The following ADCY7 variants were observed in gnomAD, a reference collection of about 807,000 sequenced individuals.
The protein encoded by ADCY7 is adenylate cyclase 7.
In ADCY7, 72 loss-of-function variants were observed where a neutral mutation model predicts 120.6. The observed-to-expected ratio is 0.60, with a 90% confidence interval of 0.49 to 0.73. The LOEUF (loss-of-function observed/expected upper bound fraction) is 0.73, where lower values mean the gene tolerates loss of function less well. Among genes scored for constraint, ADCY7 ranks in the 30% least tolerant of loss-of-function variants. The probability of loss-of-function intolerance (pLI) is 0.00; values close to 1 mark genes in which losing one functional copy is unlikely to be tolerated. For missense variants in ADCY7, 1,227 were observed against 1,486.0 expected, an observed-to-expected ratio of 0.83 and a Z score of 2.87; for synonymous variants, 661 against 628.0, an observed-to-expected ratio of 1.05 and a Z score of -0.78.
intron 1 of ADCY7, among the ~76,000 whole-genome samples, chr16:50,249,767 G>A (rs1273097991): frequency 6.6e-6 from 1 of 152,226 alleles, no homozygotes; most frequent in African/African-American, 2.4e-5. Context: ...TGGGGGAGGT[G>A]GTGGGCATCT....
chr16:50,288,972 T>G (rs999871091), intron 2 of ADCY7, among the ~76,000 whole-genome samples: 1 of 152,128 alleles, frequency 6.6e-6, no homozygotes, highest in African/African-American at 2.4e-5. Flanking sequence ...CTCTCTAACT[T>G]TAATTCAGTT....
chr16:50,313,416 CA>C lies in ADCY7; in HGVS notation c.2751+383del, dbSNP rs894935040. ...TGGGCAACAGTACACAACTCTGTCT[CA>C]AACAACAACAACAACAACAAAAAAA... On this transcript the variant is annotated intron_variant, in intron 22 of 25. Transcript: ENST00000673801. The C allele has an allele frequency of 1.8e-5, 3 of 171,160 alleles. No homozygotes were observed. In the Admixed American group the frequency reaches 1.8e-4, roughly 10 times the overall value. 10.6% of individuals were successfully genotyped at this position (171,160 alleles called of 1,614,324 possible). A position where few individuals can be genotyped will look rare whatever the true frequency, so the allele number is the denominator to read the frequency against.
At chr16:50,283,140 G>C (rs2034379639) in intron 1 of ADCY7, among the ~76,000 whole-genome samples, 2 of 152,318 alleles carry the variant, frequency 1.3e-5, no homozygotes, top group Middle Eastern at 6.8e-3. Flanking sequence ...GTGCTTGTTA[G>C]ACGCAACAAA....
intron 1 of ADCY7, among the ~76,000 whole-genome samples, chr16:50,284,096 G>A (rs898136360): frequency 6.6e-6 from 1 of 152,168 alleles, no homozygotes; most frequent in Non-Finnish European, 1.5e-5. Flanking sequence ...AAACTTCCCG[G>A]GCAGGGGGTG....
intron 15 of ADCY7, among the ~76,000 whole-genome samples, chr16:50,307,605 A>C (rs891056663): frequency 1.3e-5 from 2 of 152,134 alleles, no homozygotes; most frequent in South Asian, 2.1e-4. Flanking sequence ...GTGAAGTCAG[A>C]GGGAAGGGGG....
intron 1 of ADCY7, among the ~76,000 whole-genome samples, chr16:50,259,457 G>A (rs558464956): frequency 2.6e-5 from 4 of 152,274 alleles, no homozygotes; most frequent in East Asian, 3.9e-4. Context: ...TTGGCAGGGC[G>A]GTTGCTTTCA....
chr16:50,308,828 AG>A (rs2036256993), intron 17 of ADCY7, 36 bp downstream of exon 17: 1 of 1,574,846 alleles, frequency 6.3e-7, no homozygotes, highest in African/African-American at 1.3e-5. Context: ...CCTCCGGGGT[AG>A]AGGGAGACCT....
In ADCY7 at chr16:50,312,111, G is replaced by A. The variant is rs751516311; in HGVS notation, c.2524G>A (p.Glu842Lys). The A allele has an allele frequency of 1.2e-6, 2 of 1,614,224 alleles. No individual in the cohort carries two copies. The highest frequency in any genetic ancestry group is 2.2e-5 in the South Asian group (2 of 91,084). Residue 842 changes from glutamate (E) to lysine (K), a missense_variant, in exon 21 of 26, where the codon GAG (glutamate) becomes AAG (lysine). Transcript: ENST00000673801. ...GGAGCACGAGGAGTTTGAGACCATG[G>A]AGAACGTGAACCGCCTTCTTCTGGA... is the stretch of plus-strand genomic sequence containing the variant. The part of the protein sequence containing the change: ...KKEHEEFETM[E>K]NVNRLLLENV...
intron 1 of ADCY7, among the ~76,000 whole-genome samples, chr16:50,272,673 C>G (rs373233227): frequency 5.3e-5 from 8 of 152,260 alleles, no homozygotes; most frequent in African/African-American, 1.9e-4. Flanking sequence ...TTGTCTTGGT[C>G]CTGCTGCTGT....
rs780587539 is a variant in ADCY7 at position 50,290,618 on chromosome 16, G to A, written c.333G>A (p.Leu111=). ...WACLVALGYV[L]VFDAWTKAAC... is the part of the protein sequence containing the mutation. ...GCTTGGTGGCGCTGGGCTATGTGCT[G>A]GTGTTCGACGCATGGACAAAGGCGG... Residue 111 remains leucine, a synonymous_variant, in exon 3 of 26, where the codon CTG becomes CTA. Transcript: ENST00000673801. The A allele has an allele frequency of 6.2e-5, 100 of 1,613,990 alleles. No individual in the cohort carries two copies. The highest frequency in any genetic ancestry group is 7.8e-5 in the Non-Finnish European group (92 of 1,180,010).
intron 1 of ADCY7, among the ~76,000 whole-genome samples, chr16:50,278,331 A>G (rs1171372931): frequency 6.6e-6 from 1 of 152,156 alleles, no homozygotes; most frequent in African/African-American, 2.4e-5. Flanking sequence ...GTGAGCCACC[A>G]TGCCTGGCCC....
At chr16:50,309,996 C>T (rs1351482353) in intron 18 of ADCY7, among the ~76,000 whole-genome samples, 1 of 152,178 alleles carries the variant, frequency 6.6e-6, no homozygotes, top group Non-Finnish European at 1.5e-5. Flanking sequence ...GGAGGGGCTT[C>T]ATTAGGTGAT....
At chr16:50,295,026 C>T (rs1239315942) in intron 7 of ADCY7, among the ~76,000 whole-genome samples, 1 of 152,138 alleles carries the variant, frequency 6.6e-6, no homozygotes, top group African/African-American at 2.4e-5. Flanking sequence ...CAGATGGGGG[C>T]TCAGGAGGAG....
chr16:50,279,208 G>T (rs920445978), intron 1 of ADCY7, among the ~76,000 whole-genome samples: 1 of 152,138 alleles, frequency 6.6e-6, no homozygotes, highest in African/African-American at 2.4e-5. Flanking sequence ...CCCCATTCAT[G>T]TCTTGCTGTC....
rs2036005417 is a variant in ADCY7, at chr16:50,305,593, T to G, written c.1679+7T>G. 1.3e-6 allele frequency: 2 copies of G among 1,590,070 alleles called. No homozygotes were observed. Among genetic ancestry groups the G allele is most frequent in the African/African-American group, 2.7e-5 (2 of 74,672 alleles). The stretch of plus-strand genomic sequence containing the variant: ...AGGGGCTCAGCTCCACGAGGTGAGG[T>G]CTGAGACCTCTGTCCACCCCCCTCT... On this transcript the variant is annotated splice_region_variant and intron_variant, in intron 13 of 25. Coordinates refer to ENST00000673801, the MANE Select transcript of ADCY7 (RefSeq NM_001114.5).
At chr16:50,308,634 G>T in intron 16 of ADCY7, 33 bp from the exon 17 acceptor site, 2 of 1,594,006 alleles carry the variant, frequency 1.3e-6, no homozygotes, top group Non-Finnish European at 8.6e-7. Flanking sequence ...CCAGGCTGTT[G>T]GCTCTGGGTG....
intron 1 of ADCY7, among the ~76,000 whole-genome samples, chr16:50,259,529 C>G (rs570571061): frequency 6.6e-6 from 1 of 152,218 alleles, no homozygotes; most frequent in South Asian, 2.1e-4. Flanking sequence ...CTGCCCCTTT[C>G]CTTCTCCAAA....
chr16:50,290,114 TGTGAATGAGTCCTGCCC>T (rs1318399350), intron 2 of ADCY7, among the ~76,000 whole-genome samples: 1 of 152,244 alleles, frequency 6.6e-6, no homozygotes, highest in Admixed American at 6.5e-5. Flanking sequence ...AGGCTCTGCC[TGTGAATGAGTCCTGCCC>T]TGTGCTTGTG....
intron 9 of ADCY7, 79 bp downstream of exon 9, chr16:50,300,952 G>A: frequency 1.3e-6 from 2 of 1,535,850 alleles, no homozygotes; most frequent in Non-Finnish European, 1.8e-6. Flanking sequence ...TGGGGGTGGG[G>A]GTCAGGTGTG....
Sources: allele counts gnomAD v4.1 joint callset (sites outside exome capture counted in the v4.1 genomes callset), GRCh38; gene constraint gnomAD v4.1.1; transcripts MANE v1.5; gene names NCBI Gene and HGNC (gene_info 2026-07-23, HGNC 2026-07-21).